Variants in CFAP20DC observed in about 807,000 individuals in gnomAD.
CFAP20DC encodes the protein protein CFAP20DC.
Under a neutral mutation model 101.7 loss-of-function variants are expected in CFAP20DC, and 84 were observed. The ratio of observed to expected loss-of-function variants is 0.83; its 90% CI spans 0.69 to 0.99. CFAP20DC has a LOEUF of 0.99. Among genes scored for constraint, CFAP20DC ranks in the 50% least tolerant of loss-of-function variants. The pLI, the probability that CFAP20DC is intolerant of heterozygous loss-of-function variation, is 0.00. For synonymous variants in CFAP20DC, 359 were observed against 351.2 expected (o/e 1.02, Z -0.25); for missense variants, 1,007 against 970.3 (o/e 1.04, Z -0.50).
intron 4 of CFAP20DC, among the ~76,000 whole-genome samples, chr3:58,961,406 T>C (rs1052515043): frequency 6.6e-6 from 1 of 152,062 alleles, no homozygotes; most frequent in Non-Finnish European, 1.5e-5. Context: ...GTACAAAAAT[T>C]AGCCTGATGT....
At chr3:58,880,761 T>G (rs1344282260) in intron 7 of CFAP20DC, among the ~76,000 whole-genome samples, 2 of 152,142 alleles carry the variant, frequency 1.3e-5, no homozygotes, top group Non-Finnish European at 2.9e-5. Flanking sequence ...CACTTAAAAT[T>G]TTTTTGACAA....
chr3:58,916,049 G>A (rs1408147698), intron 5 of CFAP20DC, among the ~76,000 whole-genome samples: 6 of 152,134 alleles, frequency 3.9e-5, no homozygotes, highest in Non-Finnish European at 8.8e-5. Context: ...TGTAAATACT[G>A]TATACATCTG....
chr3:58,864,151 G>A lies in CFAP20DC; in HGVS notation c.1259-259C>T, dbSNP rs1180470733. 6.6e-6 allele frequency among the ~76,000 whole-genome samples: 1 copy of A among 152,032 alleles called. No homozygotes were observed. Among genetic ancestry groups the A allele is most frequent in the Non-Finnish European group, 1.5e-5 (1 of 67,994 alleles). On this transcript the variant is annotated intron_variant, in intron 11 of 16. Transcript: ENST00000482387. The surrounding 1 kb of genome is among the most constrained non-coding windows in gnomAD (Gnocchi z 4.7). Reference sequence around the variant, plus strand: ...TTTTTGTATTTTTAGTAGAGATGGGGTTTCACCATGTTGGTCAGGCTGGTC... The same window carrying A: ...TTTTTGTATTTTTAGTAGAGATGGGATTTCACCATGTTGGTCAGGCTGGTC...
chr3:58,862,039 TTCTTCTAAAGGC>T (rs2079290921), intron 12 of CFAP20DC: 1 of 984,926 alleles, frequency 1.0e-6, no homozygotes, highest in African/African-American at 1.7e-5. Flanking sequence ...GCTCTACTGT[TTCTTCTAAAGGC>T]TTAGCCTTCC....
Position 58,935,919 on chromosome 3 carries a change from A to C in CFAP20DC, c.393+1729T>G, listed in dbSNP as rs946563823. Among the ~76,000 whole-genome samples, 18 of 151,910 alleles carry C rather than the reference A, an allele frequency of 1.2e-4. 1 individual carries two copies. Among genetic ancestry groups the C allele is most frequent in the Non-Finnish European group, 4.4e-5 (3 of 67,856 alleles). Reference sequence around the variant, plus strand: ...AATGGCAACAAAAGCCAAAATTGACAAATTGGATCTAATTAAACTGAAGAG... The same window carrying C: ...AATGGCAACAAAAGCCAAAATTGACCAATTGGATCTAATTAAACTGAAGAG... On this transcript the variant is annotated intron_variant, in intron 5 of 16. Coordinates refer to ENST00000482387, the MANE Select transcript of CFAP20DC (RefSeq NM_001394063.1).
chr3:58,894,365 G>T lies in CFAP20DC; in HGVS notation c.551-9656C>A, dbSNP rs369463131. Among the ~76,000 whole-genome samples the T allele has an allele frequency of 1.3e-5, 2 of 152,314 alleles. No homozygotes were observed. The highest frequency in any genetic ancestry group is 3.9e-4 in the East Asian group (2 of 5,184). ...TAGTTACTTCCTAGATACAACAGGGGTACAGGTACCTATTCCAAATGAGAG... is the reference window on the plus strand; with the variant it reads ...TAGTTACTTCCTAGATACAACAGGGTTACAGGTACCTATTCCAAATGAGAG... On this transcript the variant is annotated intron_variant, in intron 6 of 16. Transcript: ENST00000482387. This position sits in a 1 kb window ranked among gnomAD's most constrained non-coding sequence, Gnocchi z 4.1.
At chr3:58,801,472 A>T (rs1018951641) in intron 15 of CFAP20DC, among the ~76,000 whole-genome samples, 2 of 152,162 alleles carry the variant, frequency 1.3e-5, no homozygotes, top group Admixed American at 1.3e-4. Flanking sequence ...ACTTGTTTTA[A>T]AATGAGCGAA....
intron 14 of CFAP20DC, among the ~76,000 whole-genome samples, chr3:58,808,284 GA>G (rs1412908887): frequency 1.3e-5 from 2 of 152,186 alleles, no homozygotes; most frequent in African/African-American, 4.8e-5. Context: ...AAGTTGAAAT[GA>G]AGGAAAAAAT....
rs1212864025 is a variant in CFAP20DC, at chr3:58,845,450, A to AAG, written c.1971+3580_1971+3581dup. On this transcript the variant is annotated intron_variant, in intron 13 of 16. Transcript: ENST00000482387. ...AATTCCTGGACACATACACTCTCCC[A>AAG]AGACTAAACCAGGAAGAAGTTGAAT... Among the ~76,000 whole-genome samples the AAG allele has an allele frequency of 7.5e-3, 1,139 of 151,546 alleles. 16 individuals are homozygous for AAG. The highest frequency in any genetic ancestry group is 0.026 in the African/African-American group (1,085 of 41,418).
chr3:58,937,707 C>G lies in CFAP20DC; in HGVS notation c.334G>C (p.Glu112Gln), dbSNP rs1042468487. ...GCATGAAGAGGGGTGGAGGATAGTT[C>G]CTTATGGACCGTTGATAAATATAAT... ...RRLYLSTVHK[E>Q]LSSTPLHAKI... Residue 112 changes from glutamate (E) to glutamine (Q), a missense_variant, in exon 5 of 17, where the codon GAA becomes CAA. Transcript: ENST00000482387. 3.7e-6 allele frequency: 6 copies of G among 1,612,714 alleles called. No homozygotes were observed. The Admixed American group carries it at 6.7e-5, about 18-fold the overall frequency.
In CFAP20DC at chr3:58,882,698, G is replaced by A. The variant is rs1235273255; in HGVS notation, c.715+1847C>T. ...ATTTATTTTCTCAAGGCTCTTTAAT[G>A]ACCATGGATTGTATACAGTCTCTCT... On this transcript the variant is annotated intron_variant, in intron 7 of 16. Transcript: ENST00000482387. The surrounding 1 kb of genome is among the most constrained non-coding windows in gnomAD (Gnocchi z 4.2). Among the ~76,000 whole-genome samples, 1 of 152,070 alleles carries A rather than the reference G, an allele frequency of 6.6e-6. No homozygotes were observed. The highest frequency in any genetic ancestry group is 1.5e-5 in the Non-Finnish European group (1 of 68,012).
rs760164491 is a variant in CFAP20DC at position 58,753,804 on chromosome 3, T to C, written c.2297A>G (p.Gln766Arg). 1 of 1,613,024 alleles carries C rather than the reference T, an allele frequency of 6.2e-7. No individual in the cohort carries two copies. Among genetic ancestry groups the C allele is most frequent in the Non-Finnish European group, 8.5e-7 (1 of 1,179,422 alleles). ...CAAACTTTCACAGGAATCTGGACGCTGCTCAGCCGGCTGTTGACTGGGAGG... is the reference window on the plus strand; with the variant it reads ...CAAACTTTCACAGGAATCTGGACGCCGCTCAGCCGGCTGTTGACTGGGAGG... ...IVPPSQQPAE[Q>R]RPDSCESLSV... The change falls in exon 16 of 17, where the codon CAG becomes CGG. Residue 766 changes from glutamine to arginine, a missense_variant. Coordinates refer to ENST00000482387, the MANE Select transcript of CFAP20DC (RefSeq NM_001394063.1).
rs1178553398 is a variant in CFAP20DC, at chr3:58,892,634, T to G, written c.551-7925A>C. Among the ~76,000 whole-genome samples the G allele has an allele frequency of 1.3e-5, 2 of 152,204 alleles. No homozygotes were observed. Among genetic ancestry groups the G allele is most frequent in the African/African-American group, 2.4e-5 (1 of 41,450 alleles). On this transcript the variant is annotated intron_variant, in intron 6 of 16. Coordinates refer to ENST00000482387, the MANE Select transcript of CFAP20DC (RefSeq NM_001394063.1). This position sits in a 1 kb window ranked among gnomAD's most constrained non-coding sequence, Gnocchi z 4.0. ...TTCATTCATGATTTGGCTCTCTGCT[T>G]GCCTGTTGTTGGTGTATAGGAATGC... is the stretch of plus-strand genomic sequence containing the variant.
chr3:58,869,188 A>G lies in CFAP20DC; in HGVS notation c.1015+140T>C. On this transcript the variant is annotated intron_variant, in intron 9 of 16. Coordinates refer to ENST00000482387, the MANE Select transcript of CFAP20DC (RefSeq NM_001394063.1). This position sits in a 1 kb window ranked among gnomAD's most constrained non-coding sequence, Gnocchi z 4.3. ...ATAAGAATTTCAAATATATTTCAAA[A>G]TCAACCACCCTTTTCATTATTAAAT... The G allele has an allele frequency of 3.3e-6, 2 of 605,274 alleles. No individual in the cohort carries two copies. 37.5% of individuals were successfully genotyped at this position (605,274 alleles called of 1,614,324 possible). A position where few individuals can be genotyped will look rare whatever the true frequency, so the allele number is the denominator to read the frequency against.
rs1313594121 is a variant in CFAP20DC at position 58,849,212 on chromosome 3, C to T, written c.1791G>A (p.Met597Ile). ...MEQIDRNNFE[M>I]SLLPTTCLSP... ...AAAGGCATGTTGTAGGCAACAAACTCATTTCAAAGTTATTTCTATCTATTT... is the reference window on the plus strand; with the variant it reads ...AAAGGCATGTTGTAGGCAACAAACTTATTTCAAAGTTATTTCTATCTATTT... Residue 597 changes from methionine (M) to isoleucine (I), a missense_variant, in exon 13 of 17, where the codon ATG becomes ATA. Met to Ile is a conservative substitution (Grantham distance 10). Coordinates refer to ENST00000482387, the MANE Select transcript of CFAP20DC (RefSeq NM_001394063.1). 1 of 1,536,094 alleles carries T rather than the reference C, an allele frequency of 6.5e-7. No individual in the cohort carries two copies. Among genetic ancestry groups the T allele is most frequent in the Admixed American group, 2.0e-5 (1 of 50,996 alleles).
intron 15 of CFAP20DC, among the ~76,000 whole-genome samples, chr3:58,776,292 A>G (rs770472050): frequency 1.3e-5 from 2 of 152,170 alleles, no homozygotes; most frequent in Admixed American, 6.5e-5. Flanking sequence ...AGTTATGAAG[A>G]CACAGATGCA....
In CFAP20DC at chr3:58,913,501, A is replaced by G. The variant is rs2084357243; in HGVS notation, c.550+207T>C. On this transcript the variant is annotated intron_variant, in intron 6 of 16. Coordinates refer to ENST00000482387, the MANE Select transcript of CFAP20DC (RefSeq NM_001394063.1). The surrounding 1 kb of genome is among the most constrained non-coding windows in gnomAD (Gnocchi z 4.4). ...AAGAAAAAAGAAAACAACCACAAAA[A>G]GAAGATTAATACCTTTTTTGTGACA... 1 of 613,100 alleles carries G rather than the reference A, an allele frequency of 1.6e-6. No homozygotes were observed. The highest frequency in any genetic ancestry group is 2.9e-6 in the Non-Finnish European group (1 of 349,568). 38.0% of individuals were successfully genotyped at this position (613,100 alleles called of 1,614,324 possible).
At chr3:58,878,105 T>C (rs1412209999) in intron 7 of CFAP20DC, among the ~76,000 whole-genome samples, 2 of 152,150 alleles carry the variant, frequency 1.3e-5, no homozygotes, top group African/African-American at 4.8e-5. Context: ...AAAACTTTCT[T>C]AGACCTGTTG....
At chr3:58,880,017 A>G (rs1223132748) in intron 7 of CFAP20DC, among the ~76,000 whole-genome samples, 1 of 151,974 alleles carries the variant, frequency 6.6e-6, no homozygotes, top group Non-Finnish European at 1.5e-5. Context: ...TTAATTTTAT[A>G]GCAAGTCTTA....
Sources: gnomAD v4.1 joint callset for allele counts (sites outside exome capture counted in the v4.1 genomes callset) on GRCh38, gnomAD v4.1.1 for gene constraint, Gnocchi (gnomAD v3.1) non-coding constraint, MANE v1.5 for transcripts, NCBI Gene and HGNC (gene_info 2026-07-23, HGNC 2026-07-21) for gene names.